CSTF2: variants seen among roughly 807,000 people sequenced by gnomAD.
CSTF2 encodes the protein CF-1 64 kDa subunit.
A neutral mutation model predicts 45.4 loss-of-function variants in CSTF2; 8 were observed. The ratio of observed to expected loss-of-function variants is 0.18; its 90% CI spans 0.10 to 0.32. The LOEUF (loss-of-function observed/expected upper bound fraction) is 0.32, where lower values mean the gene tolerates loss of function less well. CSTF2 is among the 10% of genes least tolerant of loss of function. The pLI, the probability that CSTF2 is intolerant of heterozygous loss-of-function variation, is 1.00. For missense variants in CSTF2, 253 were observed against 477.1 expected, an observed-to-expected ratio of 0.53 and a Z score of 4.38; for synonymous variants, 155 against 158.9, an observed-to-expected ratio of 0.98 and a Z score of 0.18.
chrX:100,827,271 A>G (rs1209457481), intron 7 of CSTF2, among the ~76,000 whole-genome samples: 2 of 112,281 alleles, frequency 1.8e-5, no homozygotes, highest in African/African-American at 6.5e-5. Flanking sequence ...CAGAACAAAC[A>G]ACAAAAGGGA....
intron 9 of CSTF2, 134 bp from the exon 10 acceptor site, chrX:100,832,600 C>G: frequency 5.8e-6 from 3 of 513,441 alleles, no homozygotes; most frequent in Non-Finnish European, 9.0e-6. Context: ...TTTCTTCCAT[C>G]TATTTGGTGT....
chrX:100,826,291 C>CTTTT (rs771545462), intron 6 of CSTF2, among the ~76,000 whole-genome samples: 2 of 67,968 alleles, frequency 2.9e-5, no homozygotes, highest in Non-Finnish European at 5.6e-5. Flanking sequence ...GGGTTTAGGG[C>CTTTT]TTTTTTTTTT....
intron 8 of CSTF2, chrX:100,830,761 A>G: frequency 1.0e-6 from 1 of 996,695 alleles, no homozygotes. Flanking sequence ...TATGCAAGCT[A>G]TTTTAAGTGT....
At chrX:100,839,797 G>A (rs1003809651) in intron 13 of CSTF2, among the ~76,000 whole-genome samples, 3 of 111,460 alleles carry the variant, frequency 2.7e-5, no homozygotes, top group Non-Finnish European at 5.7e-5. Flanking sequence ...GCCAGAGAAG[G>A]CATTCCCTAC....
chrX:100,835,252 G>T (rs1200696659), intron 11 of CSTF2, among the ~76,000 whole-genome samples: 1 of 96,927 alleles, frequency 1.0e-5, no homozygotes, highest in Non-Finnish European at 2.0e-5. Flanking sequence ...CTCCAGCCTG[G>T]GCAGCATATT....
At chrX:100,822,182 C>A in intron 2 of CSTF2, 69 bp from the exon 3 acceptor site, 1 of 861,079 alleles carries the variant, frequency 1.2e-6, no homozygotes, top group South Asian at 2.7e-5. Context: ...CCAATTAAAG[C>A]ATGGCAATGT....
chrX:100,831,336 A>G (rs1020722332), intron 8 of CSTF2, among the ~76,000 whole-genome samples, 179 bp from the exon 9 acceptor site: 19 of 112,202 alleles, frequency 1.7e-4, no homozygotes, highest in African/African-American at 6.2e-4. Flanking sequence ...CATACCTCTG[A>G]CATGGCACAG....
intron 8 of CSTF2, among the ~76,000 whole-genome samples, chrX:100,830,003 T>C (rs1369166441): frequency 8.9e-6 from 1 of 112,279 alleles, no homozygotes; most frequent in Non-Finnish European, 1.9e-5. Context: ...TTTCCTTCAG[T>C]ACCCAGCAGA....
intron 2 of CSTF2, 110 bp from the exon 3 acceptor site, chrX:100,822,141 G>A: frequency 1.8e-6 from 1 of 543,934 alleles, no homozygotes; most frequent in Non-Finnish European, 2.8e-6. Context: ...GAGGCTGTCA[G>A]AGATATAAGG....
At position 100,826,673 on chromosome X, in the gene CSTF2, G is replaced by C; in HGVS notation, c.742G>C (p.Ala248Pro). 1 of 1,210,623 alleles carries C rather than the reference G, an allele frequency of 8.3e-7. No homozygotes were observed. Among genetic ancestry groups the C allele is most frequent in the Non-Finnish European group, 1.1e-6 (1 of 894,829 alleles). The change falls in exon 7 of 14, where the codon GCT becomes CCT. Residue 248 changes from alanine to proline, a missense_variant. Ala to Pro is a conservative substitution (Grantham distance 27, BLOSUM62 -1). Coordinates refer to ENST00000372972, the MANE Select transcript of CSTF2 (RefSeq NM_001325.3). ...HVNGAPPLMQ[A>P]SMQGGVPAPG... ...CAATGGCGCACCTCCTCTGATGCAAGCTTCTATGCAGGGTGGAGTTCCAGC... is the reference window on the plus strand; with the variant it reads ...CAATGGCGCACCTCCTCTGATGCAACCTTCTATGCAGGGTGGAGTTCCAGC...
At chrX:100,824,477 C>CT (rs2084934517) in intron 6 of CSTF2, among the ~76,000 whole-genome samples, 1 of 111,999 alleles carries the variant, frequency 8.9e-6, no homozygotes, top group Non-Finnish European at 1.9e-5. Flanking sequence ...ATGCCCTTTT[C>CT]TTATAAGCTA....
At chrX:100,834,988 C>T (rs1483361934) in intron 11 of CSTF2, among the ~76,000 whole-genome samples, 2 of 110,824 alleles carry the variant, frequency 1.8e-5, no homozygotes, top group Non-Finnish European at 3.8e-5. Context: ...TTCGATAAAG[C>T]CAATTAGATC....
intron 8 of CSTF2, 83 bp from the exon 9 acceptor site, chrX:100,831,432 A>G (rs2084974709): frequency 1.8e-6 from 2 of 1,084,642 alleles, no homozygotes; most frequent in South Asian, 3.8e-5. Context: ...TGTCTGAATT[A>G]TGTTGTCAGT....
intron 11 of CSTF2, among the ~76,000 whole-genome samples, chrX:100,836,202 T>C: frequency 8.9e-6 from 1 of 112,425 alleles, no homozygotes; most frequent in Admixed American, 9.4e-5. Context: ...TTCTACCAAG[T>C]TTTTTAACTT....
chrX:100,829,375 C>T (rs774537484), intron 8 of CSTF2, among the ~76,000 whole-genome samples: 37 of 110,589 alleles, frequency 3.3e-4, no homozygotes, highest in African/African-American at 1.1e-3. Flanking sequence ...CTTGTGGTCC[C>T]AGCTACTTGG....
intron 1 of CSTF2, 65 bp from the exon 2 acceptor site, chrX:100,821,462 T>G: frequency 1.3e-6 from 1 of 788,431 alleles, no homozygotes. Flanking sequence ...GATATAAGTT[T>G]ACTTTCTCAC....
At chrX:100,835,701 A>G (rs1453833912) in intron 11 of CSTF2, among the ~76,000 whole-genome samples, 1 of 111,139 alleles carries the variant, frequency 9.0e-6, no homozygotes, top group Non-Finnish European at 1.9e-5. Flanking sequence ...AGAACATGAA[A>G]GAAAGTGCTG....
chrX:100,836,592 A>C (rs747469475), intron 11 of CSTF2, among the ~76,000 whole-genome samples: 3 of 111,952 alleles, frequency 2.7e-5, no homozygotes, highest in African/African-American at 9.7e-5. Context: ...ACATTCTAAC[A>C]GTTAGATTTG....
At chrX:100,827,970 G>A (rs2084953700) in intron 7 of CSTF2, 70 bp from the exon 8 acceptor site, 1 of 911,354 alleles carries the variant, frequency 1.1e-6, no homozygotes, top group African/African-American at 2.0e-5. Flanking sequence ...TGTAAACTCA[G>A]CCACTGTTCT....
Sources: gnomAD v4.1 joint callset for allele counts (sites outside exome capture counted in the v4.1 genomes callset) on GRCh38, gnomAD v4.1.1 for gene constraint, MANE v1.5 for transcripts, NCBI Gene and HGNC (gene_info 2026-07-23, HGNC 2026-07-21) for gene names.